The following ZNF85 variants were observed in gnomAD, a reference collection of about 807,000 sequenced individuals.
ZNF85 encodes zinc finger protein 85, also known as zinc finger protein 85 (HPF4, HTF1).
A neutral mutation model predicts 53.9 loss-of-function variants in ZNF85; 50 were observed. The ratio of observed to expected loss-of-function variants is 0.93; its 90% confidence interval spans 0.74 to 1.17. The LOEUF (loss-of-function observed/expected upper bound fraction) is 1.17, where lower values mean the gene tolerates loss of function less well. Among genes scored for constraint, ZNF85 ranks in the 50% most tolerant of loss-of-function variants. The pLI is 0.00. For missense variants in ZNF85, 747 were observed against 688.5 expected (o/e 1.08, Z -0.95); for synonymous variants, 225 against 226.1 (o/e 1.00, Z 0.04).
intron 3 of ZNF85, among the ~76,000 whole-genome samples, chr19:20,938,490 G>GA (rs1338911901): frequency 6.6e-6 from 1 of 152,104 alleles, no homozygotes; most frequent in Non-Finnish European, 1.5e-5. Context: ...AGGATTGGCT[G>GA]AAAAAATTTT....
intron 3 of ZNF85, among the ~76,000 whole-genome samples, chr19:20,941,065 A>G (rs1973283472): frequency 6.6e-6 from 1 of 152,168 alleles, no homozygotes; most frequent in Non-Finnish European, 1.5e-5. Context: ...TTATCTGAGG[A>G]ACATTTATAA....
chr19:20,925,865 T>A (rs1417736595), intron 1 of ZNF85, among the ~76,000 whole-genome samples: 1 of 152,242 alleles, frequency 6.6e-6, no homozygotes, highest in Non-Finnish European at 1.5e-5. Flanking sequence ...TTCTTTTAAT[T>A]GTAAATTGCA....
At chr19:20,940,200 A>G (rs1183478747) in intron 3 of ZNF85, among the ~76,000 whole-genome samples, 1 of 152,098 alleles carries the variant, frequency 6.6e-6, no homozygotes, top group Non-Finnish European at 1.5e-5. Context: ...ATTGTTTTTA[A>G]AACACATAAA....
intron 1 of ZNF85, among the ~76,000 whole-genome samples, chr19:20,926,477 G>C (rs1189468863): frequency 6.6e-6 from 1 of 152,032 alleles, no homozygotes; most frequent in African/African-American, 2.4e-5. Context: ...CACTGTGTTT[G>C]AGTGATTTCA....
chr19:20,924,628 A>T (rs1972838215), intron 1 of ZNF85, among the ~76,000 whole-genome samples: 1 of 152,106 alleles, frequency 6.6e-6, no homozygotes, highest in African/African-American at 2.4e-5. Context: ...ACATTCCCAA[A>T]TGCCACCTTC....
chr19:20,947,758 T>C (rs1364143435), intron 3 of ZNF85, among the ~76,000 whole-genome samples: 5 of 151,646 alleles, frequency 3.3e-5, no homozygotes, highest in Admixed American at 2.6e-4. Flanking sequence ...TTTTTTCTTA[T>C]ATTAAAATTT....
At position 20,948,904 on chromosome 19, in the gene ZNF85, T is replaced by C. The variant is rs765138887; in HGVS notation, c.390T>C (p.Gly130=). Residue 130 remains glycine (G), a synonymous_variant, in exon 4 of 4, where the codon GGT becomes GGC. Coordinates refer to ENST00000328178, the MANE Select transcript of ZNF85 (RefSeq NM_003429.5). ...ATGAGTGTAAGATGCACAAAGGAGG[T>C]TGTAATGGACTTAACCAATGTCTCA... ...SMDECKMHKG[G]CNGLNQCLTA... 6.2e-7 allele frequency: 1 copy of C among 1,613,486 alleles called. No individual in the cohort carries two copies. The highest frequency in any genetic ancestry group is 8.5e-7 in the Non-Finnish European group (1 of 1,179,712).
rs761703068 is a variant in ZNF85, at chr19:20,950,178, A to C, written c.1664A>C (p.Lys555Thr). The change falls in exon 4 of 4, where the codon AAA becomes ACA. Residue 555 changes from lysine to threonine, a missense_variant. Coordinates refer to ENST00000328178, the MANE Select transcript of ZNF85 (RefSeq NM_003429.5). ...TTTAACCAGTCCTCAAACCTTACTA[A>C]ACATAAGAGAATTCATACTGGAGAA... ...KAFNQSSNLTKHKRIHTGEKP... is the reference protein window; with the variant it reads ...KAFNQSSNLTTHKRIHTGEKP... The C allele has an allele frequency of 1.9e-6, 3 of 1,612,762 alleles. No homozygotes were observed. The highest frequency in any genetic ancestry group is 1.7e-6 in the Non-Finnish European group (2 of 1,179,578).
intron 3 of ZNF85, among the ~76,000 whole-genome samples, chr19:20,935,903 T>C (rs139536019): frequency 7.2e-4 from 109 of 152,310 alleles, no homozygotes; most frequent in Non-Finnish European, 1.4e-3. Flanking sequence ...CTTTGTATAA[T>C]ATGACACTTT....
At chr19:20,932,031 T>A (rs1361249210) in intron 1 of ZNF85, among the ~76,000 whole-genome samples, 2 of 152,172 alleles carry the variant, frequency 1.3e-5, no homozygotes, top group African/African-American at 4.8e-5. Flanking sequence ...CCTGAATCTC[T>A]TCCATTATAA....
rs1347304851 is a variant in ZNF85, at chr19:20,950,350, G to C, written c.*48G>C. On this transcript the variant is annotated 3_prime_UTR_variant, in exon 4 of 4. Transcript: ENST00000328178. The stretch of plus-strand genomic sequence containing the variant: ...AATTTACAAGTCTTACTAAACATAA[G>C]AAAATTTATACTGGAGAGAAACTAC... 6.7e-6 allele frequency: 9 copies of C among 1,335,616 alleles called. No homozygotes were observed. The East Asian group carries it at 2.2e-4, about 32-fold the overall frequency. The allele number at this position is 1,335,616 out of a possible 1,614,324, so 82.7% of individuals were successfully genotyped here.
Position 20,949,745 on chromosome 19 carries a change from T to G in ZNF85, c.1231T>G (p.Ser411Ala). The G allele has an allele frequency of 6.2e-7, 1 of 1,612,556 alleles. No homozygotes were observed. The highest frequency in any genetic ancestry group is 8.5e-7 in the Non-Finnish European group (1 of 1,179,308). Residue 411 changes from serine (S) to alanine (A), a missense_variant, in exon 4 of 4, where the codon TCA becomes GCA. Physicochemically the swap from Ser to Ala is moderately conservative, Grantham distance 99. Transcript: ENST00000328178. ...ATGTGGTAAAGCTTTTAAACACTCT[T>G]CAACCCTTACTAAACATAAGATAAT... is the stretch of plus-strand genomic sequence containing the variant. ...KECGKAFKHS[S>A]TLTKHKIIHT...
At chr19:20,942,805 T>G (rs1334577120) in intron 3 of ZNF85, 3 of 699,690 alleles carry the variant, frequency 4.3e-6, no homozygotes, top group East Asian at 5.4e-5. Flanking sequence ...ACGCAGAATC[T>G]TACTCTGTCA....
chr19:20,938,319 A>G (rs371477882), intron 3 of ZNF85, among the ~76,000 whole-genome samples: 2 of 151,894 alleles, frequency 1.3e-5, no homozygotes, highest in African/African-American at 2.4e-5. Context: ...TCCCACCTCA[A>G]CCTTCCAAAG....
At chr19:20,946,484 A>T in intron 3 of ZNF85, 1 of 275,868 alleles carries the variant, frequency 3.6e-6, no homozygotes, top group African/African-American at 2.3e-5. Context: ...ATCCTACTAT[A>T]AAAATTATAT....
Position 20,949,978 on chromosome 19 carries a change from C to A in ZNF85, c.1464C>A (p.Gly488=). ...AACCTTACAAATGTGAAGAATGTGG[C>A]AAAGGTTTTAAATGGCCCTCAACCC... The part of the protein sequence containing the change: ...EEKPYKCEEC[G]KGFKWPSTLT... The change falls in exon 4 of 4, where the codon GGC becomes GGA. Residue 488 remains glycine (G), a synonymous_variant. Transcript: ENST00000328178. 3 of 1,608,424 alleles carry A rather than the reference C, an allele frequency of 1.9e-6. No individual in the cohort carries two copies. Among genetic ancestry groups the A allele is most frequent in the Non-Finnish European group, 1.7e-6 (2 of 1,177,206 alleles).
chr19:20,948,953 CA>C lies in ZNF85; in HGVS notation c.441del (p.Gln147HisfsTer6). On this transcript the variant is annotated frameshift_variant, in exon 4 of 4. Transcript: ENST00000328178. LOFTEE classifies it high-confidence loss of function. ...CLTATQSKIFQCDKYVKVAHK... is the reference protein window; with the variant it reads ...CLTATQSKIFXCDKYVKVAHK... The stretch of plus-strand genomic sequence containing the variant: ...CACAGCTACCCAGAGCAAAATATTT[CA>C]ATGTGATAAATATGTAAAAGTCGCT... The C allele has an allele frequency of 6.2e-7, 1 of 1,613,628 alleles. No homozygotes were observed. Among genetic ancestry groups the C allele is most frequent in the South Asian group, 1.1e-5 (1 of 91,018 alleles).
intron 3 of ZNF85, among the ~76,000 whole-genome samples, chr19:20,935,658 A>ATTTTT (rs966936998): frequency 4.8e-5 from 7 of 145,872 alleles, no homozygotes; most frequent in South Asian, 2.2e-4. Flanking sequence ...TGCCACTAGA[A>ATTTTT]TTTTTTTTTT....
intron 3 of ZNF85, among the ~76,000 whole-genome samples, chr19:20,938,850 A>ATG (rs145473574): frequency 0.027 from 3,740 of 141,046 alleles, 46 homozygotes; most frequent in Middle Eastern, 0.064. Flanking sequence ...ATTCTGCTAT[A>ATG]TGTGTGTGTG....
Sources: allele counts gnomAD v4.1 joint callset (sites outside exome capture counted in the v4.1 genomes callset), GRCh38; gene constraint gnomAD v4.1.1; transcripts MANE v1.5; gene names NCBI Gene and HGNC (gene_info 2026-07-23, HGNC 2026-07-21).